THUMPD2: variants seen among roughly 807,000 people sequenced by gnomAD.
THUMPD2 encodes THUMP domain 2 tRNA and snRNA guanosine methyltransferase.
In THUMPD2, 56 loss-of-function variants were observed where a neutral mutation model predicts 49.4. That is an observed-to-expected ratio of 1.13 (90% CI 0.91 to 1.41). The LOEUF (loss-of-function observed/expected upper bound fraction) is 1.41, where lower values mean the gene tolerates loss of function less well. Among genes scored for constraint, THUMPD2 ranks in the 40% most tolerant of loss-of-function variants. THUMPD2 has a pLI of 0.00. For synonymous variants in THUMPD2, 237 were observed against 205.2 expected (o/e 1.15, Z -1.32); for missense variants, 709 against 594.5 (o/e 1.19, Z -2.00).
chr2:39,749,458 A>C (rs886622734), intron 8 of THUMPD2, among the ~76,000 whole-genome samples: 1 of 152,248 alleles, frequency 6.6e-6, no homozygotes, highest in African/African-American at 2.4e-5. Flanking sequence ...ATTGAATATG[A>C]GCAAAATAAA....
chr2:39,767,171 T>C (rs1282238703), intron 4 of THUMPD2, among the ~76,000 whole-genome samples: 2 of 152,224 alleles, frequency 1.3e-5, no homozygotes, highest in Non-Finnish European at 2.9e-5. Flanking sequence ...ATAATAGCTA[T>C]TATTAATTGC....
rs959175381 is a variant in THUMPD2, at chr2:39,770,040, A to C, written c.342T>G (p.Asn114Lys). The change falls in exon 3 of 10, where the codon AAT (asparagine) becomes AAG (lysine). Residue 114 changes from asparagine to lysine, a missense_variant. Coordinates refer to ENST00000505747, the MANE Select transcript of THUMPD2 (RefSeq NM_025264.5). ...SWLNAISIWK[N>K]LLELDAKKEK... ...CCTTTTTTGCATCAAGTTCAAGAAGATTTTTCCAAATTGAAATGGCATTCA... is the reference window on the plus strand; with the variant it reads ...CCTTTTTTGCATCAAGTTCAAGAAGCTTTTTCCAAATTGAAATGGCATTCA... 39 of 1,570,624 alleles carry C rather than the reference A, an allele frequency of 2.5e-5. No homozygotes were observed. Among genetic ancestry groups the C allele is most frequent in the African/African-American group, 1.4e-4 (10 of 71,966 alleles).
At chr2:39,777,846 G>A (rs1679319938) in intron 1 of THUMPD2, among the ~76,000 whole-genome samples, 1 of 152,154 alleles carries the variant, frequency 6.6e-6, no homozygotes, top group Non-Finnish European at 1.5e-5. Context: ...AGAAGATGGA[G>A]AACAAGCAGA....
At chr2:39,757,267 G>C in intron 6 of THUMPD2, 1 of 655,782 alleles carries the variant, frequency 1.5e-6, no homozygotes, top group Non-Finnish European at 2.5e-6. Flanking sequence ...AGGCCCAGTC[G>C]TGCTCGAGAT....
chr2:39,745,955 CTG>C (rs143282780), intron 8 of THUMPD2, among the ~76,000 whole-genome samples: 8,445 of 152,226 alleles, frequency 0.055, 383 homozygotes, highest in African/African-American at 0.12. Flanking sequence ...TGCTCACTAA[CTG>C]TGGGACTTTG....
At chr2:39,739,469 T>G (rs1260377550) in intron 9 of THUMPD2, among the ~76,000 whole-genome samples, 1 of 152,184 alleles carries the variant, frequency 6.6e-6, no homozygotes, top group Non-Finnish European at 1.5e-5. Context: ...TACTTTTCTC[T>G]CACTCTAAAG....
At chr2:39,738,924 A>G (rs1673525939) in intron 9 of THUMPD2, among the ~76,000 whole-genome samples, 1 of 152,092 alleles carries the variant, frequency 6.6e-6, no homozygotes. Flanking sequence ...TAAAGGACCA[A>G]GAGTTAAGGG....
intron 4 of THUMPD2, among the ~76,000 whole-genome samples, chr2:39,766,380 C>G (rs560547625): frequency 8.0e-4 from 121 of 152,156 alleles, no homozygotes; most frequent in African/African-American, 2.8e-3. Flanking sequence ...CAACTTTCTT[C>G]CTAGAGATTC....
At chr2:39,768,768 A>G (rs13400213) in intron 3 of THUMPD2, 338,063 of 749,330 alleles carry the variant, frequency 0.45, 80,455 homozygotes, top group East Asian at 0.8. Flanking sequence ...GGTATATGAA[A>G]TAACTAGATT....
chr2:39,751,313 C>G (rs1036224341), intron 8 of THUMPD2, among the ~76,000 whole-genome samples: 1 of 152,220 alleles, frequency 6.6e-6, no homozygotes, highest in Non-Finnish European at 1.5e-5. Context: ...AAAAGCATGC[C>G]ATCTTACTAC....
intron 9 of THUMPD2, among the ~76,000 whole-genome samples, chr2:39,738,687 A>G (rs899026962): frequency 2.0e-5 from 3 of 148,188 alleles, no homozygotes; most frequent in Non-Finnish European, 4.5e-5. Flanking sequence ...ACACATATAT[A>G]CATATATAAA....
intron 4 of THUMPD2, among the ~76,000 whole-genome samples, chr2:39,767,672 C>T (rs955208188): frequency 3.2e-4 from 47 of 147,622 alleles, no homozygotes; most frequent in African/African-American, 1.1e-3. Flanking sequence ...TCAAAACATT[C>T]TTGGGATCAA....
At chr2:39,753,925 C>T (rs1675760713) in intron 8 of THUMPD2, among the ~76,000 whole-genome samples, 1 of 152,166 alleles carries the variant, frequency 6.6e-6, no homozygotes, top group African/African-American at 2.4e-5. Context: ...AAGATTTATG[C>T]AGTTACCTGG....
chr2:39,763,338 C>T (rs1327954637), intron 5 of THUMPD2, among the ~76,000 whole-genome samples: 1 of 152,056 alleles, frequency 6.6e-6, no homozygotes. Context: ...AAACTGAATA[C>T]ACTATCCTGG....
chr2:39,747,750 T>C (rs1479336635), intron 8 of THUMPD2, among the ~76,000 whole-genome samples: 3 of 152,196 alleles, frequency 2.0e-5, no homozygotes, highest in Non-Finnish European at 4.4e-5. Flanking sequence ...TATTTTTTCA[T>C]ATGGAAAGGG....
In THUMPD2 at chr2:39,773,610, T is replaced by A. The variant is rs973828099; in HGVS notation, c.127-1970A>T. 4.2e-5 allele frequency among the ~76,000 whole-genome samples: 6 copies of A among 142,430 alleles called. No individual in the cohort carries two copies. In the South Asian group the frequency reaches 8.7e-4, roughly 21 times the overall value. 93.4% of individuals were successfully genotyped at this position (142,430 alleles called of 152,430 possible). A position where few individuals can be genotyped will look rare whatever the true frequency, so the allele number is the denominator to read the frequency against. ...TATATATATATTTATATTTTAAAAA[T>A]ATATATATATTTATATTTTAAAAAT... On this transcript the variant is annotated intron_variant, in intron 1 of 9. Transcript: ENST00000505747.
rs1673971406 is a variant in THUMPD2 at position 39,742,096 on chromosome 2, G to GTAA, written c.1187+2271_1187+2273dup. ...ATGCCTGTGACTGAAGAACTATTAA[G>GTAA]TAATAGAGCCAAGAGTGGAACTCAG... On this transcript the variant is annotated intron_variant, in intron 9 of 9. Transcript: ENST00000505747. 1.4e-4 allele frequency among the ~76,000 whole-genome samples: 22 copies of GTAA among 152,202 alleles called. 1 individual carries two copies. The South Asian group carries it at 4.6e-3, about 32-fold the overall frequency.
intron 6 of THUMPD2, chr2:39,757,265 T>G: frequency 3.1e-6 from 2 of 639,114 alleles, no homozygotes; most frequent in Non-Finnish European, 5.2e-6. Context: ...TCAGGCCCAG[T>G]CGTGCTCGAG....
At chr2:39,764,493 G>A (rs1677247487) in intron 5 of THUMPD2, among the ~76,000 whole-genome samples, 2 of 152,092 alleles carry the variant, frequency 1.3e-5, no homozygotes, top group African/African-American at 4.8e-5. Context: ...TGCTTCATGG[G>A]GCTATTGATA....
Sources: gnomAD v4.1 joint callset for allele counts (sites outside exome capture counted in the v4.1 genomes callset) on GRCh38, gnomAD v4.1.1 for gene constraint, MANE v1.5 for transcripts, NCBI Gene and HGNC (gene_info 2026-07-23, HGNC 2026-07-21) for gene names.